The following ULK4 variants were observed in gnomAD, a reference collection of about 807,000 sequenced individuals.
ULK4 encodes inactive serine/threonine-protein kinase ULK4.
ULK4 carries 133 observed loss-of-function variants against 160.6 expected under a neutral mutation model. The ratio of observed to expected loss-of-function variants is 0.83; its 90% CI spans 0.72 to 0.96. ULK4 has a LOEUF of 0.96. ULK4 is among the 40% of genes least tolerant of loss of function. The probability of loss-of-function intolerance (pLI) is 0.00; values close to 1 mark genes in which losing one functional copy is unlikely to be tolerated. For missense variants in ULK4, 1,580 were observed against 1,499.5 expected (o/e 1.05, Z -0.89); for synonymous variants, 534 against 539.8 (o/e 0.99, Z 0.15).
intron 22 of ULK4, among the ~76,000 whole-genome samples, chr3:41,728,100 T>C (rs975571563): frequency 2.0e-5 from 3 of 151,392 alleles, no homozygotes; most frequent in African/African-American, 7.3e-5. Context: ...ACATGGAGAG[T>C]TGGTATGTGA....
At chr3:41,742,977 GAAT>G (rs1286681747) in intron 22 of ULK4, among the ~76,000 whole-genome samples, 1 of 151,764 alleles carries the variant, frequency 6.6e-6, no homozygotes, top group Admixed American at 6.6e-5. Flanking sequence ...ATCAGTAGGA[GAAT>G]AACAAAATAA....
chr3:41,805,696 G>A (rs1425429585), intron 19 of ULK4, among the ~76,000 whole-genome samples: 3 of 151,004 alleles, frequency 2.0e-5, no homozygotes, highest in African/African-American at 7.3e-5. Context: ...AGCATGAAGG[G>A]CTGTTGAATT....
intron 22 of ULK4, among the ~76,000 whole-genome samples, chr3:41,725,417 C>T (rs1396829488): frequency 1.3e-5 from 2 of 152,130 alleles, no homozygotes; most frequent in Non-Finnish European, 2.9e-5. Context: ...TTCATGTCTT[C>T]TATACTTTTG....
intron 18 of ULK4, among the ~76,000 whole-genome samples, chr3:41,833,608 C>T (rs2041664879): frequency 6.6e-6 from 1 of 152,092 alleles, no homozygotes; most frequent in Non-Finnish European, 1.5e-5. Context: ...GTATTTTATT[C>T]TCTTTGTAGC....
intron 25 of ULK4, among the ~76,000 whole-genome samples, chr3:41,706,091 C>T (rs906992786): frequency 9.9e-5 from 15 of 151,922 alleles, no homozygotes; most frequent in African/African-American, 3.4e-4. Context: ...CCCTTATCTG[C>T]GCTCCCATGC....
At chr3:41,948,659 G>GA (rs1456309671) in intron 2 of ULK4, among the ~76,000 whole-genome samples, 1 of 141,184 alleles carries the variant, frequency 7.1e-6, no homozygotes, top group African/African-American at 2.6e-5. Context: ...TTATGAAGGG[G>GA]AAAAAAACGC....
At position 41,593,893 on chromosome 3, in the gene ULK4, T is replaced by C. The variant is rs142588405; in HGVS notation, c.3120+21776A>G. Among the ~76,000 whole-genome samples the C allele has an allele frequency of 9.0e-3, 1,359 of 151,430 alleles. 21 individuals carry two copies. The highest frequency in any genetic ancestry group is 0.031 in the African/African-American group (1,293 of 41,220). ...AAAAAATATAAAAAACTTAGCCAGGTATCACGGCATGTATCTGTAGTCCCA... is the reference window on the plus strand; with the variant it reads ...AAAAAATATAAAAAACTTAGCCAGGCATCACGGCATGTATCTGTAGTCCCA... On this transcript the variant is annotated intron_variant, in intron 31 of 36. Coordinates refer to ENST00000301831, the MANE Select transcript of ULK4 (RefSeq NM_017886.4).
intron 19 of ULK4, among the ~76,000 whole-genome samples, chr3:41,808,790 G>A (rs928018404): frequency 6.6e-6 from 1 of 152,116 alleles, no homozygotes; most frequent in Non-Finnish European, 1.5e-5. Context: ...TTACCTTGCT[G>A]GACAAATGCC....
intron 35 of ULK4, among the ~76,000 whole-genome samples, chr3:41,369,551 G>C (rs2081320204): frequency 6.6e-6 from 1 of 151,552 alleles, no homozygotes; most frequent in East Asian, 1.9e-4. Flanking sequence ...CCAGCACTTT[G>C]AGAGGCCAAG....
intron 35 of ULK4, among the ~76,000 whole-genome samples, chr3:41,390,155 G>T (rs375239551): frequency 1.4e-4 from 22 of 152,248 alleles, no homozygotes; most frequent in East Asian, 5.8e-4. Flanking sequence ...TAGTTTATTT[G>T]CTTAGAGGTA....
intron 32 of ULK4, among the ~76,000 whole-genome samples, chr3:41,501,925 C>A (rs1311586735): frequency 6.6e-6 from 1 of 152,204 alleles, no homozygotes; most frequent in African/African-American, 2.4e-5. Flanking sequence ...CTGTACTACA[C>A]ATATAAGTGA....
At chr3:41,491,328 AAATAC>A (rs147942323) in intron 32 of ULK4, among the ~76,000 whole-genome samples, 62,278 of 151,866 alleles carry the variant, frequency 0.41, 12,935 homozygotes, top group African/African-American at 0.44. Flanking sequence ...ATAAAAAATA[AAATAC>A]AACAGTAAGA....
At chr3:41,957,448 C>CAGA (rs1700520942) in intron 1 of ULK4, among the ~76,000 whole-genome samples, 1 of 97,250 alleles carries the variant, frequency 1.0e-5, no homozygotes, top group Admixed American at 1.3e-4. Flanking sequence ...GAGCACCACT[C>CAGA]AAAAAAAAAA....
chr3:41,688,009 C>G (rs1297876605), intron 27 of ULK4: 1 of 152,216 alleles, frequency 6.6e-6, no homozygotes, highest in Non-Finnish European at 1.5e-5. Context: ...CCTACAACAC[C>G]CACTCCCCAC....
At chr3:41,344,820 A>AAAAG (rs1298904609) in intron 35 of ULK4, among the ~76,000 whole-genome samples, 1 of 151,914 alleles carries the variant, frequency 6.6e-6, no homozygotes, top group Non-Finnish European at 1.5e-5. Context: ...TCTGCACAAA[A>AAAAG]AAAGAAACTA....
intron 20 of ULK4, among the ~76,000 whole-genome samples, chr3:41,798,257 TAAAAC>T (rs756373148): frequency 2.6e-5 from 4 of 152,202 alleles, no homozygotes; most frequent in Non-Finnish European, 5.9e-5. Flanking sequence ...TAAGCCCAAT[TAAAAC>T]AAGACAGATT....
intron 34 of ULK4, among the ~76,000 whole-genome samples, chr3:41,445,646 G>T (rs143194790): frequency 0.011 from 1,599 of 152,264 alleles, 22 homozygotes; most frequent in African/African-American, 0.037. Flanking sequence ...TTTAATAAAT[G>T]GTGCTGGGGA....
At chr3:41,812,417 G>A (rs1046898579) in intron 19 of ULK4, among the ~76,000 whole-genome samples, 8 of 151,892 alleles carry the variant, frequency 5.3e-5, no homozygotes, top group African/African-American at 1.9e-4. Flanking sequence ...ACTTTTGGTG[G>A]AACACACACA....
At chr3:41,624,872 T>C (rs6765613) in intron 30 of ULK4, among the ~76,000 whole-genome samples, 9,354 of 152,244 alleles carry the variant, frequency 0.061, 974 homozygotes, top group African/African-American at 0.21. Context: ...ATCTTGTCTA[T>C]TATGGATAAT....
Sources: allele counts gnomAD v4.1 joint callset (sites outside exome capture counted in the v4.1 genomes callset), GRCh38; gene constraint gnomAD v4.1.1; transcripts MANE v1.5; gene names NCBI Gene and HGNC (gene_info 2026-07-23, HGNC 2026-07-21).